TMEM268: variants seen among roughly 807,000 people sequenced by gnomAD.
The protein encoded by TMEM268 is transmembrane protein 268.
In TMEM268, 24 loss-of-function variants were observed where a neutral mutation model predicts 39.1. The observed-to-expected ratio is 0.61, with a 90% CI of 0.44 to 0.86. The LOEUF is 0.86. Ranked by LOEUF, TMEM268 falls within the 40% of genes least tolerant of loss-of-function variation. The pLI is 0.00. For synonymous variants in TMEM268, 176 were observed against 173.5 expected (o/e 1.01, Z -0.12); for missense variants, 409 against 428.6 (o/e 0.95, Z 0.40).
chr9:114,622,483 A>G (rs916350486), intron 2 of TMEM268: 3 of 984,918 alleles, frequency 3.0e-6, no homozygotes, highest in African/African-American at 3.5e-5. Flanking sequence ...CAGTTTCTCT[A>G]CTTGGAACTG....
At chr9:114,607,822 G>A (rs1238755951), upstream of TMEM268, among the ~76,000 whole-genome samples, 4 of 152,206 alleles carry the variant, frequency 2.6e-5, no homozygotes, top group Non-Finnish European at 5.9e-5. Flanking sequence ...AGAACGATGG[G>A]GCTGGGGTTT....
rs150337975 is a variant in TMEM268, at chr9:114,625,505, C to T, written c.216+1046C>T. Among the ~76,000 whole-genome samples the T allele has an allele frequency of 3.2e-3, 457 of 141,848 alleles. 2 individuals are homozygous for T. Among genetic ancestry groups the T allele is most frequent in the African/African-American group, 0.011 (432 of 37,984 alleles). 93.1% of individuals were successfully genotyped at this position (141,848 alleles called of 152,430 possible). A position where few individuals can be genotyped will look rare whatever the true frequency, so the allele number is the denominator to read the frequency against. On this transcript the variant is annotated intron_variant, in intron 3 of 8. Transcript: ENST00000288502. ...TGTTGCCCAGGCTGGAGTGCAGTGG[C>T]GCAATCTGGGCTCACTGCAACCTGT... is the stretch of plus-strand genomic sequence containing the variant.
chr9:114,616,049 T>A (rs916814675), intron 1 of TMEM268, among the ~76,000 whole-genome samples: 4 of 146,214 alleles, frequency 2.7e-5, no homozygotes, highest in African/African-American at 1.0e-4. Flanking sequence ...GGAGTCTTGC[T>A]CTGTCGTCCA....
In TMEM268 at chr9:114,633,812, C is replaced by T; in HGVS notation, c.519C>T (p.Ala173=). The change falls in exon 6 of 9, where the codon GCC becomes GCT. Residue 173 remains alanine, a synonymous_variant. Transcript: ENST00000288502. Reference sequence around the variant, plus strand: ...TGAGGCTGGCAGCTGCCAATGGAGCCCTCCTGAGACACCGGGTGCTGCTGG... The same window carrying T: ...TGAGGCTGGCAGCTGCCAATGGAGCTCTCCTGAGACACCGGGTGCTGCTGG... ...TDLRLAAANG[A]LLRHRVLLGV... 2 of 1,605,652 alleles carry T rather than the reference C, an allele frequency of 1.2e-6. No individual in the cohort carries two copies. The highest frequency in any genetic ancestry group is 1.7e-6 in the Non-Finnish European group (2 of 1,176,298).
At chr9:114,619,370 C>G (rs1564286572) in intron 2 of TMEM268, among the ~76,000 whole-genome samples, 1 of 152,010 alleles carries the variant, frequency 6.6e-6, no homozygotes, top group African/African-American at 2.4e-5. Flanking sequence ...GGTGTAAAAA[C>G]AAGTATTTTT....
rs1241969632 is a variant in TMEM268, at chr9:114,624,398, G to A, written c.155G>A (p.Cys52Tyr). 4 of 1,603,858 alleles carry A rather than the reference G, an allele frequency of 2.5e-6. No individual in the cohort carries two copies. The South Asian group carries it at 3.4e-5, about 14-fold the overall frequency. ...ACTGTTCTCCGGATTGACAATACCT[G>A]TGCACCCATCTCCTTCGACCTGGGA... ...VLTVLRIDNT[C>Y]APISFDLGAA... The change falls in exon 3 of 9, where the codon TGT (cysteine) becomes TAT (tyrosine). Residue 52 changes from cysteine (C) to tyrosine (Y), a missense_variant. By Grantham distance (194) the Cys-to-Tyr change is radical (BLOSUM62 -2). Coordinates refer to ENST00000288502, the MANE Select transcript of TMEM268 (RefSeq NM_153045.4).
chr9:114,608,925 G>A (rs908771793), upstream of TMEM268, among the ~76,000 whole-genome samples: 10 of 152,140 alleles, frequency 6.6e-5, no homozygotes, highest in African/African-American at 2.4e-4. Flanking sequence ...CTCCAATCAT[G>A]CTGTCTCTGA....
intron 7 of TMEM268, 85 bp downstream of exon 7, chr9:114,637,155 C>G: frequency 2.2e-6 from 2 of 912,546 alleles, no homozygotes; most frequent in Non-Finnish European, 3.5e-6. Context: ...GGGAAAATGT[C>G]TGAGAAAAAG....
chr9:114,629,642 C>T (rs976869926), intron 5 of TMEM268, among the ~76,000 whole-genome samples: 1 of 152,252 alleles, frequency 6.6e-6, no homozygotes, highest in Non-Finnish European at 1.5e-5. Context: ...GACCATTTCT[C>T]TGCTACCACA....
At chr9:114,624,152 G>A (rs1846057131) in intron 2 of TMEM268, 198 bp from the exon 3 acceptor site, 1 of 1,207,208 alleles carries the variant, frequency 8.3e-7, no homozygotes. Flanking sequence ...CCTCCCTCTG[G>A]CCTTAATTCT....
rs1589330416 is a variant in TMEM268, at chr9:114,617,933, G to A, written c.106+632G>A. 1.3e-5 allele frequency among the ~76,000 whole-genome samples: 2 copies of A among 151,924 alleles called. 1 individual carries two copies. Among genetic ancestry groups the A allele is most frequent in the South Asian group, 4.2e-4 (2 of 4,816 alleles). ...ACTCTGTTGCCCAGGTTGGAATGCA[G>A]TGGCATGATCTCGGTTCACTGTAGT... is the stretch of plus-strand genomic sequence containing the variant. On this transcript the variant is annotated intron_variant, in intron 2 of 8. Transcript: ENST00000288502.
intron 2 of TMEM268, among the ~76,000 whole-genome samples, chr9:114,618,267 A>G (rs1040643013): frequency 2.0e-5 from 3 of 152,198 alleles, no homozygotes; most frequent in Non-Finnish European, 4.4e-5. Context: ...GCCTGCCTTC[A>G]TATTCTTTGC....
upstream of TMEM268, among the ~76,000 whole-genome samples, chr9:114,609,325 A>G (rs945258556): frequency 6.6e-6 from 1 of 150,676 alleles, no homozygotes; most frequent in African/African-American, 2.4e-5. Flanking sequence ...ACAAACAAAC[A>G]AACAAACAAA....
At chr9:114,641,415 A>C (rs1362519945) in intron 8 of TMEM268, among the ~76,000 whole-genome samples, 2 of 152,226 alleles carry the variant, frequency 1.3e-5, no homozygotes, top group South Asian at 4.1e-4. Flanking sequence ...GAGTGGACAC[A>C]AGTATTGCAA....
At chr9:114,606,144 C>T in the TMEM268 span, among the ~76,000 whole-genome samples, 1 of 152,060 alleles carries the variant, frequency 6.6e-6, no homozygotes, top group Non-Finnish European at 1.5e-5. Flanking sequence ...ACTGCCCTTG[C>T]CTCTTCTCCA....
At chr9:114,604,546 A>T in the TMEM268 span, among the ~76,000 whole-genome samples, 1 of 140,604 alleles carries the variant, frequency 7.1e-6, no homozygotes, top group African/African-American at 2.7e-5. Context: ...AGATCGCACC[A>T]CTGCACTCCA....
chr9:114,642,201 C>T (rs1827376345), intron 8 of TMEM268, among the ~76,000 whole-genome samples: 1 of 152,264 alleles, frequency 6.6e-6, no homozygotes, highest in African/African-American at 2.4e-5. Context: ...CCTCCTTCCT[C>T]CCCACCCTCA....
At position 114,640,758 on chromosome 9, in the gene TMEM268, A is replaced by G. The variant is rs879374916; in HGVS notation, c.849+2032A>G. Among the ~76,000 whole-genome samples the G allele has an allele frequency of 9.2e-5, 14 of 152,214 alleles. 1 individual carries two copies. The highest frequency in any genetic ancestry group is 1.6e-4 in the Non-Finnish European group (11 of 68,032). On this transcript the variant is annotated intron_variant, in intron 8 of 8. Transcript: ENST00000288502. Reference sequence around the variant, plus strand: ...CAAAGGATAACTTGAAACAAAAGCTAATCTTATGAACCATGTGGGGTTTCT... The same window carrying G: ...CAAAGGATAACTTGAAACAAAAGCTGATCTTATGAACCATGTGGGGTTTCT...
At chr9:114,627,147 A>G (rs1015517621) in intron 4 of TMEM268, 141 bp downstream of exon 4, 15 of 557,176 alleles carry the variant, frequency 2.7e-5, no homozygotes, top group African/African-American at 1.5e-4. Flanking sequence ...CGAGCAGTAC[A>G]TATGGACATT....
Sources: gnomAD v4.1 joint callset for allele counts (sites outside exome capture counted in the v4.1 genomes callset) on GRCh38, gnomAD v4.1.1 for gene constraint, MANE v1.5 for transcripts, NCBI Gene and HGNC (gene_info 2026-07-23, HGNC 2026-07-21) for gene names.